Variants in VPS13B observed in about 807,000 individuals in gnomAD.
The protein encoded by VPS13B is vacuolar protein sorting 13 homolog B.
A neutral mutation model predicts 426.4 loss-of-function variants in VPS13B; 285 were observed. That is an observed-to-expected ratio of 0.67 (90% CI 0.61 to 0.74). VPS13B has a LOEUF of 0.74. VPS13B is among the 30% of genes least tolerant of loss of function. VPS13B has a pLI of 0.00. For synonymous variants in VPS13B, 1,676 were observed against 1,676.4 expected, an observed-to-expected ratio of 1.00 and a Z score of 0.01; for missense variants, 4,537 against 4,782.6, an observed-to-expected ratio of 0.95 and a Z score of 1.51.
intron 38 of VPS13B, 53 bp downstream of exon 38, chr8:99,720,605 T>G: frequency 6.4e-7 from 1 of 1,565,796 alleles, no homozygotes; most frequent in Non-Finnish European, 8.8e-7. Context: ...TGGTTGCATT[T>G]TAAATGCATG....
intron 59 of VPS13B, among the ~76,000 whole-genome samples, chr8:99,869,908 C>T (rs1347601324): frequency 6.6e-6 from 1 of 152,216 alleles, no homozygotes; most frequent in Non-Finnish European, 1.5e-5. Flanking sequence ...ATCTTTGGTG[C>T]TGGAGAGTCT....
In VPS13B at chr8:99,572,359, G is replaced by A. The variant is rs149691518; in HGVS notation, c.4950-3299G>A. Among the ~76,000 whole-genome samples, 758 of 152,010 alleles carry A rather than the reference G, an allele frequency of 5.0e-3. 3 individuals are homozygous for A. The highest frequency in any genetic ancestry group is 0.018 in the African/African-American group (726 of 41,472). ...AAGTTCTAGGGTAGATGTGCACAAC[G>A]TGCAGGTTTGTTACATATGTATACA... is the stretch of plus-strand genomic sequence containing the variant. On this transcript the variant is annotated intron_variant, in intron 31 of 61. Coordinates refer to ENST00000357162, the MANE Select transcript of VPS13B (RefSeq NM_152564.5).
chr8:99,701,154 A>C (rs1202905818), intron 36 of VPS13B, among the ~76,000 whole-genome samples: 1 of 152,190 alleles, frequency 6.6e-6, no homozygotes, highest in African/African-American at 2.4e-5. Flanking sequence ...CAAGCCAACT[A>C]AAAGTTCTGT....
chr8:99,793,896 C>T (rs1812682591), intron 43 of VPS13B, among the ~76,000 whole-genome samples: 1 of 152,190 alleles, frequency 6.6e-6, no homozygotes, highest in Non-Finnish European at 1.5e-5. Flanking sequence ...CTTCAACTTC[C>T]TCTTCTGCAT....
chr8:99,209,249 A>T (rs911883223), intron 17 of VPS13B, among the ~76,000 whole-genome samples: 2 of 151,520 alleles, frequency 1.3e-5, no homozygotes, highest in African/African-American at 4.9e-5. Context: ...ACTGCACTCC[A>T]TCCAGCCTGG....
At chr8:99,822,947 A>T (rs546097978) in intron 50 of VPS13B, among the ~76,000 whole-genome samples, 1 of 152,324 alleles carries the variant, frequency 6.6e-6, no homozygotes, top group Non-Finnish European at 1.5e-5. Context: ...TATTATAAAA[A>T]TAGTTTTGAC....
intron 3 of VPS13B, among the ~76,000 whole-genome samples, chr8:99,067,445 A>T (rs1844592154): frequency 1.3e-5 from 2 of 152,210 alleles, no homozygotes; most frequent in Non-Finnish European, 2.9e-5. Context: ...CTGAACAATG[A>T]GAACACTTGG....
chr8:99,138,315 T>C (rs1810195722), intron 12 of VPS13B, among the ~76,000 whole-genome samples: 1 of 152,156 alleles, frequency 6.6e-6, no homozygotes, highest in African/African-American at 2.4e-5. Flanking sequence ...TTAGTAGAGA[T>C]GGGGTTTGGC....
intron 17 of VPS13B, among the ~76,000 whole-genome samples, chr8:99,236,882 G>A (rs1329177576): frequency 6.6e-5 from 10 of 152,310 alleles, no homozygotes; most frequent in African/African-American, 2.4e-4. Flanking sequence ...AAAAATTCCA[G>A]TTCTATAACC....
chr8:99,389,888 G>GT (rs1814328938), intron 20 of VPS13B, among the ~76,000 whole-genome samples: 1 of 151,910 alleles, frequency 6.6e-6, no homozygotes, highest in Non-Finnish European at 1.5e-5. Flanking sequence ...AGTATAAGAG[G>GT]TTTTCTAGTC....
chr8:99,137,232 G>A (rs772228579), intron 12 of VPS13B, among the ~76,000 whole-genome samples: 2 of 148,616 alleles, frequency 1.3e-5, no homozygotes, highest in Admixed American at 7.1e-5. Flanking sequence ...AATAAATGAC[G>A]TTTAAAACAT....
intron 19 of VPS13B, among the ~76,000 whole-genome samples, chr8:99,363,611 A>G (rs954228598): frequency 9.7e-4 from 148 of 152,278 alleles, no homozygotes; most frequent in African/African-American, 3.3e-3. Context: ...AACATGAAAT[A>G]TATTTTTATT....
chr8:99,408,489 G>A (rs1815451052), intron 21 of VPS13B, among the ~76,000 whole-genome samples: 2 of 152,182 alleles, frequency 1.3e-5, no homozygotes, highest in Admixed American at 1.3e-4. Flanking sequence ...AGCCAGAAAG[G>A]TGGATTAGGT....
intron 13 of VPS13B, among the ~76,000 whole-genome samples, chr8:99,147,530 T>C (rs1368738540): frequency 6.6e-6 from 1 of 152,196 alleles, no homozygotes; most frequent in Non-Finnish European, 1.5e-5. Flanking sequence ...GTCTGTGTCT[T>C]GCCTTTACAT....
chr8:99,801,689 A>G (rs879749756), intron 43 of VPS13B, among the ~76,000 whole-genome samples: 6 of 152,312 alleles, frequency 3.9e-5, no homozygotes, highest in Middle Eastern at 3.4e-3. Context: ...TTCTTACTCT[A>G]AAAACATTTT....
At chr8:99,174,192 A>G (rs1018906505) in intron 16 of VPS13B, among the ~76,000 whole-genome samples, 18 of 152,120 alleles carry the variant, frequency 1.2e-4, no homozygotes, top group Non-Finnish European at 1.9e-4. Context: ...TTATGTATTC[A>G]TTTTATGTAT....
intron 19 of VPS13B, among the ~76,000 whole-genome samples, chr8:99,284,572 T>C (rs1819334620): frequency 1.3e-5 from 2 of 151,126 alleles, no homozygotes; most frequent in South Asian, 4.2e-4. Context: ...TTTCTTTACT[T>C]TTTTTTTTGA....
chr8:99,504,086 G>T (rs1821375368), intron 27 of VPS13B, among the ~76,000 whole-genome samples: 1 of 152,220 alleles, frequency 6.6e-6, no homozygotes, highest in Non-Finnish European at 1.5e-5. Flanking sequence ...GATCTCTCAT[G>T]AATGGCTTGG....
At position 99,776,787 on chromosome 8, in the gene VPS13B, G is replaced by T; in HGVS notation, c.7260G>T (p.Glu2420Asp). 1 of 1,613,992 alleles carries T rather than the reference G, an allele frequency of 6.2e-7. No individual in the cohort carries two copies. Among genetic ancestry groups the T allele is most frequent in the Non-Finnish European group, 8.5e-7 (1 of 1,179,932 alleles). The part of the protein sequence containing the change: ...NGADDQSSAS[E>D]SGSQSTCDPL... ...TTCTTTCCCATAGCTCTGCAAGTGA[G>T]TCTGGTTCTCAAAGCACTTGTGATC... Residue 2420 changes from glutamate (E) to aspartate (D), a missense_variant, in exon 41 of 62, where the codon GAG (glutamate) becomes GAT (aspartate). Around this residue, in one of 2 missense-constraint regions of VPS13B, gnomAD observed 4,311 missense variants for 4,474.3 expected, o/e 0.96. Transcript: ENST00000357162.
Sources: gnomAD v4.1 joint callset for allele counts (sites outside exome capture counted in the v4.1 genomes callset) on GRCh38, gnomAD v4.1.1 for gene constraint, gnomAD v4.1.1 regional missense constraint, MANE v1.5 for transcripts, NCBI Gene and HGNC (gene_info 2026-07-23, HGNC 2026-07-21) for gene names.